The following GRID1 variants were observed in gnomAD, a reference collection of about 807,000 sequenced individuals.
GRID1 encodes the protein glutamate ionotropic receptor delta type subunit 1.
A neutral mutation model predicts 98.0 loss-of-function variants in GRID1; 28 were observed. The ratio of observed to expected loss-of-function variants is 0.29; its 90% CI spans 0.21 to 0.39. The LOEUF (loss-of-function observed/expected upper bound fraction) is 0.39. GRID1 is among the 10% of genes least tolerant of loss of function. The pLI is 1.00. For missense variants in GRID1, 1,111 were observed against 1,340.5 expected (o/e 0.83, Z 2.67); for synonymous variants, 553 against 538.5 (o/e 1.03, Z -0.37).
At chr10:85,900,801 G>T (rs767696266) in intron 5 of GRID1, among the ~76,000 whole-genome samples, 32 of 152,304 alleles carry the variant, frequency 2.1e-4, no homozygotes, top group Non-Finnish European at 3.7e-4. Flanking sequence ...GTGCTTCACA[G>T]GTGTTCAGTA....
chr10:85,833,736 T>C (rs1842889777), intron 8 of GRID1, among the ~76,000 whole-genome samples: 2 of 152,002 alleles, frequency 1.3e-5, no homozygotes, highest in Admixed American at 6.6e-5. Context: ...AATTACAAAT[T>C]CTCTTGAAAC....
At chr10:85,605,485 C>G (rs2132504362) in intron 15 of GRID1, 1 of 152,312 alleles carries the variant, frequency 6.6e-6, no homozygotes, top group African/African-American at 2.4e-5. Context: ...GACCTGGGAC[C>G]ATTGGAAGAA....
chr10:85,813,234 T>A (rs1050872218), intron 8 of GRID1, among the ~76,000 whole-genome samples: 1 of 151,330 alleles, frequency 6.6e-6, no homozygotes, highest in African/African-American at 2.4e-5. Context: ...AATTACGGAT[T>A]CAAGACAGTC....
Position 85,602,346 on chromosome 10 carries a change from G to A in GRID1, c.2957C>T (p.Pro986Leu). Residue 986 changes from proline to leucine, a missense_variant, in exon 16 of 16, where the codon CCC becomes CTC. Physicochemically the swap from Pro to Leu is moderately conservative, Grantham distance 98. Around this residue, in one of 3 missense-constraint regions of GRID1, gnomAD observed 762 missense variants for 869.1 expected, o/e 0.88. Transcript: ENST00000327946. ...TCCAGGCACGGGCTGGAAGGACATGGGGATGGGGGTCTTCACCGGGCTCTG... is the reference window on the plus strand; with the variant it reads ...TCCAGGCACGGGCTGGAAGGACATGAGGATGGGGGTCTTCACCGGGCTCTG... ...FRQSPVKTPI[P>L]MSFQPVPGGV... is the part of the protein sequence containing the mutation. The A allele has an allele frequency of 6.3e-7, 1 of 1,586,488 alleles. No individual in the cohort carries two copies. Among genetic ancestry groups the A allele is most frequent in the Non-Finnish European group, 8.6e-7 (1 of 1,164,032 alleles).
At chr10:86,304,129 A>G (rs886380106) in intron 2 of GRID1, among the ~76,000 whole-genome samples, 23 of 152,126 alleles carry the variant, frequency 1.5e-4, no homozygotes, top group African/African-American at 5.6e-4. Flanking sequence ...GGCCTACCCC[A>G]GCTCACTCCA....
chr10:86,085,860 C>T (rs1035702167), intron 4 of GRID1, among the ~76,000 whole-genome samples: 2 of 152,164 alleles, frequency 1.3e-5, no homozygotes, highest in Admixed American at 6.5e-5. Flanking sequence ...GCCCCAAGAG[C>T]AGAACCCAGG....
At chr10:85,910,162 C>A (rs532493157) in intron 5 of GRID1, among the ~76,000 whole-genome samples, 7 of 152,200 alleles carry the variant, frequency 4.6e-5, no homozygotes, top group African/African-American at 1.4e-4. Context: ...TCGAGTGTTA[C>A]TAAATTAAAT....
intron 8 of GRID1, among the ~76,000 whole-genome samples, chr10:85,765,082 T>G (rs989435446): frequency 6.6e-6 from 1 of 152,156 alleles, no homozygotes; most frequent in African/African-American, 2.4e-5. Flanking sequence ...TATATCCCAT[T>G]TAATCCTCAA....
intron 5 of GRID1, among the ~76,000 whole-genome samples, chr10:85,892,033 G>A (rs1343863045): frequency 6.6e-6 from 1 of 151,738 alleles, no homozygotes; most frequent in Non-Finnish European, 1.5e-5. Flanking sequence ...AGCAAAACAT[G>A]CATGATAGGG....
At chr10:85,652,574 A>G (rs1156233936) in intron 12 of GRID1, among the ~76,000 whole-genome samples, 1 of 152,198 alleles carries the variant, frequency 6.6e-6, no homozygotes, top group Non-Finnish European at 1.5e-5. Context: ...TACAGCCTAC[A>G]GATGCCTTTA....
At chr10:85,732,859 A>G (rs1841840890) in intron 8 of GRID1, among the ~76,000 whole-genome samples, 1 of 152,168 alleles carries the variant, frequency 6.6e-6, no homozygotes, top group African/African-American at 2.4e-5. Context: ...ACTTTAGTTT[A>G]TGTAGTTACA....
chr10:86,125,840 T>C (rs1844744603), intron 4 of GRID1, among the ~76,000 whole-genome samples: 1 of 152,220 alleles, frequency 6.6e-6, no homozygotes, highest in Admixed American at 6.5e-5. Flanking sequence ...CTTCCTATGA[T>C]TTTCTTAATT....
At chr10:86,065,876 C>T (rs970894236) in intron 4 of GRID1, among the ~76,000 whole-genome samples, 1 of 152,180 alleles carries the variant, frequency 6.6e-6, no homozygotes, top group Non-Finnish European at 1.5e-5. Context: ...ATGTGAGGGG[C>T]TACAGAATGA....
At chr10:85,820,032 AGGCAGGCAGGCAGGCAGGC>A (rs879605908) in intron 8 of GRID1, among the ~76,000 whole-genome samples, 922 of 90,936 alleles carry the variant, frequency 0.01, 5 homozygotes, top group East Asian at 0.039. Flanking sequence ...GAAGGAAGGC[AGGCAGGCAGGCAGGCAGGC>A]AGGCAGGCAG....
intron 2 of GRID1, among the ~76,000 whole-genome samples, chr10:86,321,688 A>G (rs1847972898): frequency 6.6e-6 from 1 of 152,208 alleles, no homozygotes; most frequent in Admixed American, 6.5e-5. Context: ...TGGCAGGGCC[A>G]TGATGCCAAG....
chr10:85,793,159 TC>T (rs1457117449), intron 8 of GRID1, among the ~76,000 whole-genome samples: 2 of 152,262 alleles, frequency 1.3e-5, no homozygotes, highest in East Asian at 3.9e-4. Flanking sequence ...CCCAAAGGGT[TC>T]CATGATCCAG....
chr10:85,892,557 AG>A (rs1350236683), intron 5 of GRID1, among the ~76,000 whole-genome samples: 2 of 151,940 alleles, frequency 1.3e-5, no homozygotes, highest in African/African-American at 2.4e-5. Flanking sequence ...AGAAAAAAAA[AG>A]AAAACTATGT....
rs559348205 is a variant in GRID1 at position 86,130,531 on chromosome 10, A to C, written c.726+8288T>G. ...ACACAGTAGAGAAGGAGAGGAGAGA[A>C]GGAGCATCTGAATGTCGAGAGGAGT... On this transcript the variant is annotated intron_variant, in intron 4 of 15. Coordinates refer to ENST00000327946, the MANE Select transcript of GRID1 (RefSeq NM_017551.3). Among the ~76,000 whole-genome samples, 9 of 152,334 alleles carry C rather than the reference A, an allele frequency of 5.9e-5. No individual in the cohort carries two copies. The South Asian group carries it at 1.9e-3, about 32-fold the overall frequency.
At chr10:85,980,016 C>G (rs145384483) in intron 4 of GRID1, among the ~76,000 whole-genome samples, 49 of 152,360 alleles carry the variant, frequency 3.2e-4, no homozygotes, top group African/African-American at 9.4e-4. Context: ...TGCTTAGAAG[C>G]CTTCAATGAC....
Sources: gnomAD v4.1 joint callset for allele counts (sites outside exome capture counted in the v4.1 genomes callset) on GRCh38, gnomAD v4.1.1 for gene constraint, gnomAD v4.1.1 regional missense constraint, MANE v1.5 for transcripts, NCBI Gene and HGNC (gene_info 2026-07-23, HGNC 2026-07-21) for gene names.